PBX4: variants seen among roughly 807,000 people sequenced by gnomAD.
PBX4 encodes pre-B-cell leukemia transcription factor 4.
In PBX4, 26 loss-of-function variants were observed where a neutral mutation model predicts 35.1. The observed-to-expected ratio is 0.74, with a 90% CI of 0.54 to 1.03. The LOEUF is 1.03. PBX4 is among the 50% of genes least tolerant of loss of function. PBX4 has a pLI of 0.00. For missense variants in PBX4, 448 were observed against 504.3 expected (o/e 0.89, Z 1.07); for synonymous variants, 199 against 204.2 (o/e 0.97, Z 0.22).
In PBX4 at chr19:19,565,093, C is replaced by T. The variant is rs374117354; in HGVS notation, c.769-4G>A. 40 of 1,613,948 alleles carry T rather than the reference C, an allele frequency of 2.5e-5. No homozygotes were observed. Among genetic ancestry groups the T allele is most frequent in the Non-Finnish European group, 3.1e-5 (36 of 1,179,992 alleles). ...TGTTGCCAAACCAGTTAGAGACCTG[C>T]GGACACACAGGAGTCACTGGAGGAG... is the stretch of plus-strand genomic sequence containing the variant. On this transcript the variant is annotated splice_polypyrimidine_tract_variant and splice_region_variant and intron_variant, in intron 5 of 7. Coordinates refer to ENST00000251203, the MANE Select transcript of PBX4 (RefSeq NM_025245.3).
chr19:19,609,812 C>T (rs1396591261), intron 1 of PBX4, among the ~76,000 whole-genome samples: 5 of 151,604 alleles, frequency 3.3e-5, no homozygotes, highest in Non-Finnish European at 7.4e-5. Flanking sequence ...GATTGCGCCA[C>T]CACACTCCAG....
intron 2 of PBX4, among the ~76,000 whole-genome samples, chr19:19,577,391 T>C (rs1568383583): frequency 1.3e-5 from 2 of 152,146 alleles, no homozygotes; most frequent in African/African-American, 2.4e-5. Flanking sequence ...TACTGACACC[T>C]ACAAAGATGT....
intron 2 of PBX4, among the ~76,000 whole-genome samples, chr19:19,571,673 A>G (rs1024884360): frequency 8.5e-5 from 13 of 152,144 alleles, no homozygotes; most frequent in African/African-American, 3.1e-4. Flanking sequence ...AGCACAGCCA[A>G]TGGCATCGCA....
At chr19:19,591,753 C>G (rs2061529716) in intron 2 of PBX4, among the ~76,000 whole-genome samples, 1 of 152,268 alleles carries the variant, frequency 6.6e-6, no homozygotes, top group African/African-American at 2.4e-5. Context: ...AAGCCTGACA[C>G]ATTCCAACGT....
chr19:19,565,266 G>T (rs764411065), intron 5 of PBX4, among the ~76,000 whole-genome samples, 177 bp from the exon 6 acceptor site: 3 of 152,166 alleles, frequency 2.0e-5, no homozygotes, highest in Non-Finnish European at 2.9e-5. Flanking sequence ...ACGGACCCAG[G>T]GAGATGTCCA....
intron 6 of PBX4, 47 bp downstream of exon 6, chr19:19,564,886 C>T (rs1451994008): frequency 1.9e-6 from 3 of 1,610,294 alleles, no homozygotes; most frequent in Admixed American, 1.7e-5. Flanking sequence ...AGCTCAGTGG[C>T]CGTCCACATG....
At chr19:19,565,459 C>T (rs755207562) in intron 5 of PBX4, among the ~76,000 whole-genome samples, 1 of 152,150 alleles carries the variant, frequency 6.6e-6, no homozygotes, top group Non-Finnish European at 1.5e-5. Flanking sequence ...GTGTTCTCTT[C>T]AGGAAAAGTG....
intron 1 of PBX4, among the ~76,000 whole-genome samples, chr19:19,610,413 C>T (rs1234292110): frequency 4.0e-5 from 6 of 149,376 alleles, no homozygotes; most frequent in African/African-American, 7.4e-5. Context: ...AACTCCATCT[C>T]GAAAACAATA....
chr19:19,575,505 T>C (rs551636952), intron 2 of PBX4, among the ~76,000 whole-genome samples: 43 of 152,206 alleles, frequency 2.8e-4, no homozygotes, highest in Non-Finnish European at 6.0e-4. Context: ...ACAATGGCTG[T>C]CCTCTCTGTA....
chr19:19,613,614 A>G (rs190950348), intron 1 of PBX4, among the ~76,000 whole-genome samples: 32 of 152,214 alleles, frequency 2.1e-4, no homozygotes, highest in South Asian at 1.9e-3. Context: ...CTCACCCCTT[A>G]AGCAGCAATA....
At chr19:19,576,629 T>G (rs930401112) in intron 2 of PBX4, among the ~76,000 whole-genome samples, 2 of 152,056 alleles carry the variant, frequency 1.3e-5, no homozygotes, top group African/African-American at 4.8e-5. Flanking sequence ...TTTTATTGTA[T>G]TTATTATTTT....
At chr19:19,611,001 G>A (rs1397783625) in intron 1 of PBX4, among the ~76,000 whole-genome samples, 1 of 152,114 alleles carries the variant, frequency 6.6e-6, no homozygotes, top group East Asian at 1.9e-4. Flanking sequence ...TCTGGCTCTG[G>A]GAAATTCCAC....
In PBX4 at chr19:19,563,200, C is replaced by T. The variant is rs914423773; in HGVS notation, c.1032+309G>A. On this transcript the variant is annotated intron_variant, in intron 7 of 7. Coordinates refer to ENST00000251203, the MANE Select transcript of PBX4 (RefSeq NM_025245.3). The surrounding 1 kb of genome is among the most constrained non-coding windows in gnomAD (Gnocchi z 5.1). ...CTGCCCCTCCCTCTCGAGGGAAGGACACCATGTCCTCCCACAGTCCTCTAG... is the reference window on the plus strand; with the variant it reads ...CTGCCCCTCCCTCTCGAGGGAAGGATACCATGTCCTCCCACAGTCCTCTAG... Among the ~76,000 whole-genome samples, 1 of 152,140 alleles carries T rather than the reference C, an allele frequency of 6.6e-6. No individual in the cohort carries two copies. Among genetic ancestry groups the T allele is most frequent in the African/African-American group, 2.4e-5 (1 of 41,432 alleles).
intron 2 of PBX4, among the ~76,000 whole-genome samples, chr19:19,573,241 G>T (rs2061396832): frequency 6.6e-6 from 1 of 151,424 alleles, no homozygotes; most frequent in African/African-American, 2.4e-5. Flanking sequence ...GGAGGTGGAG[G>T]TTGCGGTGAG....
intron 2 of PBX4, among the ~76,000 whole-genome samples, chr19:19,585,966 G>A (rs190332620): frequency 3.2e-4 from 49 of 152,038 alleles, no homozygotes; most frequent in African/African-American, 1.0e-3. Flanking sequence ...CTCTTCACAC[G>A]GACGCGTGAG....
At chr19:19,584,492 C>A (rs1450245410) in intron 2 of PBX4, among the ~76,000 whole-genome samples, 1 of 152,100 alleles carries the variant, frequency 6.6e-6, no homozygotes, top group East Asian at 1.9e-4. Flanking sequence ...AGATGTGACC[C>A]ACTCACAGGC....
intron 5 of PBX4, among the ~76,000 whole-genome samples, chr19:19,566,574 G>T (rs2061343239): frequency 6.6e-6 from 1 of 152,200 alleles, no homozygotes; most frequent in Non-Finnish European, 1.5e-5. Flanking sequence ...ACCCAGGCTG[G>T]AGTGCAGCGG....
chr19:19,615,462 T>C (rs558201732), intron 1 of PBX4, among the ~76,000 whole-genome samples: 1 of 152,270 alleles, frequency 6.6e-6, no homozygotes, highest in African/African-American at 2.4e-5. Flanking sequence ...GAAAGAAAGT[T>C]TGAAGAACAA....
chr19:19,562,387 T>C lies in PBX4; in HGVS notation c.1033-270A>G, dbSNP rs899577649. Among the ~76,000 whole-genome samples the C allele has an allele frequency of 6.6e-6, 1 of 152,074 alleles. No homozygotes were observed. The highest frequency in any genetic ancestry group is 2.4e-5 in the African/African-American group (1 of 41,428). On this transcript the variant is annotated intron_variant, in intron 7 of 7. Coordinates refer to ENST00000251203, the MANE Select transcript of PBX4 (RefSeq NM_025245.3). The surrounding 1 kb of genome is among the most constrained non-coding windows in gnomAD (Gnocchi z 4.8). Reference sequence around the variant, plus strand: ...CCTGGGGCTTAGGCAAAGGACTGACTGGCATCGGGTACAACAAGGGCTCCT... The same window carrying C: ...CCTGGGGCTTAGGCAAAGGACTGACCGGCATCGGGTACAACAAGGGCTCCT...
Sources: gnomAD v4.1 joint callset for allele counts (sites outside exome capture counted in the v4.1 genomes callset) on GRCh38, gnomAD v4.1.1 for gene constraint, Gnocchi (gnomAD v3.1) non-coding constraint, MANE v1.5 for transcripts, NCBI Gene and HGNC (gene_info 2026-07-23, HGNC 2026-07-21) for gene names.